The following ITK variants were observed in gnomAD, a reference collection of about 807,000 sequenced individuals.
ITK encodes the protein tyrosine-protein kinase ITK/TSK.
Under a neutral mutation model 87.6 loss-of-function variants are expected in ITK, and 45 were observed. The observed-to-expected ratio is 0.51, with a 90% confidence interval of 0.40 to 0.66. The LOEUF (loss-of-function observed/expected upper bound fraction) is 0.66. ITK is among the 30% of genes least tolerant of loss of function. ITK has a pLI of 0.00. For synonymous variants in ITK, 303 were observed against 273.6 expected, an observed-to-expected ratio of 1.11 and a Z score of -1.06; for missense variants, 605 against 766.3, an observed-to-expected ratio of 0.79 and a Z score of 2.48.
At chr5:157,227,991 C>T (rs11745082) in intron 6 of ITK, among the ~76,000 whole-genome samples, 2,182 of 151,748 alleles carry the variant, frequency 0.014, 19 homozygotes, top group Middle Eastern at 0.054. Flanking sequence ...CCACCACACC[C>T]GGCTAATTTT....
intron 5 of ITK, among the ~76,000 whole-genome samples, chr5:157,220,425 G>A (rs1394096929): frequency 6.6e-6 from 1 of 152,168 alleles, no homozygotes; most frequent in Non-Finnish European, 1.5e-5. Flanking sequence ...GGGGCCACTA[G>A]AATGTGTCTG....
chr5:157,255,011 CT>C lies in ITK; in HGVS notation c.*2337del. On this transcript the variant is annotated 3_prime_UTR_variant, in exon 17 of 17. Coordinates refer to ENST00000422843, the MANE Select transcript of ITK (RefSeq NM_005546.4). ...ATTTCGTAGATTTTGCATTTTGTAC[CT>C]TTTGAGACTATGTATTTATATTTGG... 2 of 205,710 alleles carry C rather than the reference CT, an allele frequency of 9.7e-6. No homozygotes were observed. Among genetic ancestry groups the C allele is most frequent in the Non-Finnish European group, 2.0e-5 (2 of 100,752 alleles). 12.7% of individuals were successfully genotyped at this position (205,710 alleles called of 1,614,324 possible).
At chr5:157,201,201 GC>G (rs759501181) in intron 1 of ITK, among the ~76,000 whole-genome samples, 25 of 151,276 alleles carry the variant, frequency 1.7e-4, no homozygotes, top group Non-Finnish European at 3.2e-4. Context: ...TTTGAGTCTT[GC>G]AAAAAGTCAT....
chr5:157,248,753 C>A (rs1304876849), intron 15 of ITK, 97 bp from the exon 16 acceptor site: 1 of 1,355,416 alleles, frequency 7.4e-7, no homozygotes. Context: ...GCACATGAAT[C>A]CTAATGCAAG....
chr5:157,215,457 C>A (rs1238126792), intron 4 of ITK, among the ~76,000 whole-genome samples: 7 of 152,174 alleles, frequency 4.6e-5, no homozygotes, highest in Admixed American at 3.9e-4. Context: ...CATAATCGAT[C>A]CCTGGGCCCA....
intron 6 of ITK, among the ~76,000 whole-genome samples, chr5:157,227,567 A>C (rs771420037): frequency 1.7e-4 from 26 of 152,090 alleles, no homozygotes; most frequent in Non-Finnish European, 3.2e-4. Flanking sequence ...TATTTTAATT[A>C]TTTTGGTTTC....
rs2113776005 is a variant in ITK at position 157,245,916 on chromosome 5, G to A, written c.1550G>A (p.Gly517Asp). The A allele has an allele frequency of 1.9e-6, 3 of 1,614,136 alleles. No homozygotes were observed. In the South Asian group the frequency reaches 3.3e-5, roughly 18 times the overall value. ...VLDDQYTSST[G>D]TKFPVKWASP... is the part of the protein sequence containing the mutation. ...GATGATCAGTACACCAGTTCCACAG[G>A]CACCAAATTCCCGGTGAAGTGGGCA... The change falls in exon 15 of 17, where the codon GGC (glycine) becomes GAC (aspartate). Residue 517 changes from glycine (G) to aspartate (D), a missense_variant. This residue lies in a region of ITK where 70 missense variants were observed against 122.5 expected (regional missense o/e 0.57). Coordinates refer to ENST00000422843, the MANE Select transcript of ITK (RefSeq NM_005546.4).
At chr5:157,184,160 G>T (rs1378389929) in intron 1 of ITK, among the ~76,000 whole-genome samples, 1 of 152,016 alleles carries the variant, frequency 6.6e-6, no homozygotes. Context: ...TTTCCAAGTT[G>T]TCCCTGATGC....
intron 1 of ITK, among the ~76,000 whole-genome samples, chr5:157,201,110 A>G (rs527420601): frequency 6.6e-6 from 1 of 152,214 alleles, no homozygotes; most frequent in East Asian, 1.9e-4. Flanking sequence ...AAAAAAGAAC[A>G]TTTCAATAAA....
chr5:157,231,919 C>T (rs1352600257), intron 7 of ITK, among the ~76,000 whole-genome samples: 1 of 152,306 alleles, frequency 6.6e-6, no homozygotes, highest in African/African-American at 2.4e-5. Context: ...CTAGCACCCT[C>T]CTCCTTATAA....
chr5:157,213,558 T>TC (rs1430122353), intron 3 of ITK: 1 of 453,554 alleles, frequency 2.2e-6, no homozygotes, highest in Admixed American at 2.4e-5. Flanking sequence ...TTTTCTTTTT[T>TC]TTTGGTAGAA....
At chr5:157,204,639 C>T (rs1476147890) in intron 1 of ITK, among the ~76,000 whole-genome samples, 5 of 151,594 alleles carry the variant, frequency 3.3e-5, no homozygotes, top group African/African-American at 4.9e-5. Flanking sequence ...GTGGAGGTTG[C>T]GGTGAGCCGA....
At chr5:157,236,252 G>A (rs1317409213) in intron 8 of ITK, among the ~76,000 whole-genome samples, 1 of 152,036 alleles carries the variant, frequency 6.6e-6, no homozygotes, top group African/African-American at 2.4e-5. Context: ...GCGGGCACCT[G>A]TAATTCCAGC....
intron 2 of ITK, 77 bp from the exon 3 acceptor site, chr5:157,211,210 T>G: frequency 8.2e-7 from 1 of 1,223,400 alleles, no homozygotes; most frequent in Non-Finnish European, 1.2e-6. Context: ...GACCCCACTC[T>G]CGGCTCAGTA....
At chr5:157,230,060 G>A (rs1754619343) in intron 7 of ITK, among the ~76,000 whole-genome samples, 1 of 152,196 alleles carries the variant, frequency 6.6e-6, no homozygotes, top group South Asian at 2.1e-4. Context: ...AAGATCTGCA[G>A]TTAAGTAATA....
At chr5:157,230,274 G>T (rs1176852844) in intron 7 of ITK, among the ~76,000 whole-genome samples, 1 of 152,070 alleles carries the variant, frequency 6.6e-6, no homozygotes, top group African/African-American at 2.4e-5. Flanking sequence ...GCTCATCTGG[G>T]TTATGTGTAT....
At position 157,223,012 on chromosome 5, in the gene ITK, T is replaced by C. The variant is rs766797539; in HGVS notation, c.645T>C (p.Asn215=). 1 of 1,614,096 alleles carries C rather than the reference T, an allele frequency of 6.2e-7. No individual in the cohort carries two copies. Among genetic ancestry groups the C allele is most frequent in the Non-Finnish European group, 8.5e-7 (1 of 1,179,998 alleles). ...EIHWWRVQDR[N]GHEGYVPSSY... ...ACTGGTGGAGAGTCCAGGACAGGAA[T>C]GGGTAAGTCATCTTTGTGGCTGCTG... The change falls in exon 6 of 17, where the codon AAT becomes AAC. Residue 215 remains asparagine, a splice_region_variant and synonymous_variant. Transcript: ENST00000422843.
At chr5:157,246,164 T>C (rs1755017049) in intron 15 of ITK, among the ~76,000 whole-genome samples, 165 bp downstream of exon 15, 1 of 152,164 alleles carries the variant, frequency 6.6e-6, no homozygotes, top group East Asian at 1.9e-4. Context: ...TGAAAGGGCC[T>C]TCATCATTTT....
intron 1 of ITK, among the ~76,000 whole-genome samples, chr5:157,193,414 G>T (rs1037294358): frequency 6.6e-5 from 10 of 152,166 alleles, no homozygotes; most frequent in Admixed American, 2.6e-4. Flanking sequence ...TAAAAATGAA[G>T]TCAGACATTT....
Sources: gnomAD v4.1 joint callset for allele counts (sites outside exome capture counted in the v4.1 genomes callset) on GRCh38, gnomAD v4.1.1 for gene constraint, gnomAD v4.1.1 regional missense constraint, MANE v1.5 for transcripts, NCBI Gene and HGNC (gene_info 2026-07-23, HGNC 2026-07-21) for gene names.